NRP2: variants seen among roughly 807,000 people sequenced by gnomAD.
NRP2 encodes neuropilin-2.
Under a neutral mutation model 110.4 loss-of-function variants are expected in NRP2, and 52 were observed. That is an observed-to-expected ratio of 0.47 (90% confidence interval 0.38 to 0.59). The LOEUF (loss-of-function observed/expected upper bound fraction) is 0.59. Among genes scored for constraint, NRP2 ranks in the 20% least tolerant of loss-of-function variants. The pLI is 0.00. For missense variants in NRP2, 1,049 were observed against 1,203.0 expected (o/e 0.87, Z 1.89); for synonymous variants, 508 against 468.9 (o/e 1.08, Z -1.08).
intron 7 of NRP2, among the ~76,000 whole-genome samples, chr2:205,732,265 T>A (rs1339887880): frequency 6.6e-6 from 1 of 152,238 alleles, no homozygotes; most frequent in Non-Finnish European, 1.5e-5. Flanking sequence ...AGTTGCCATT[T>A]GTTTGATTTG....
chr2:205,694,414 G>C (rs2056379077), intron 1 of NRP2, among the ~76,000 whole-genome samples: 1 of 152,154 alleles, frequency 6.6e-6, no homozygotes. Flanking sequence ...CCAGGTATAG[G>C]AGAAAATGCT....
At chr2:205,749,243 C>G (rs1378898459) in intron 10 of NRP2, among the ~76,000 whole-genome samples, 1 of 152,228 alleles carries the variant, frequency 6.6e-6, no homozygotes, top group Non-Finnish European at 1.5e-5. Context: ...TCCTCACTTA[C>G]AGTAGGTGTT....
At chr2:205,690,183 A>G (rs749513271) in intron 1 of NRP2, among the ~76,000 whole-genome samples, 2 of 152,242 alleles carry the variant, frequency 1.3e-5, no homozygotes, top group Non-Finnish European at 2.9e-5. Context: ...TTGTTTGGAT[A>G]CAGGAGAAAA....
chr2:205,789,893 T>C (rs1164464869), intron 15 of NRP2, among the ~76,000 whole-genome samples: 1 of 152,208 alleles, frequency 6.6e-6, no homozygotes, highest in Non-Finnish European at 1.5e-5. Flanking sequence ...AACACAGATA[T>C]CAAGAATATT....
intron 1 of NRP2, among the ~76,000 whole-genome samples, chr2:205,688,097 C>T: frequency 6.6e-6 from 1 of 152,166 alleles, no homozygotes; most frequent in East Asian, 1.9e-4. Context: ...TTTGGAAAGA[C>T]TTTAGGAACT....
chr2:205,781,054 A>G (rs879515170), intron 15 of NRP2, among the ~76,000 whole-genome samples: 1 of 152,262 alleles, frequency 6.6e-6, no homozygotes, highest in Non-Finnish European at 1.5e-5. Flanking sequence ...ACAAAGACCC[A>G]GGCTCAGTCA....
intron 9 of NRP2, among the ~76,000 whole-genome samples, chr2:205,744,206 G>A (rs902864648): frequency 6.6e-6 from 1 of 152,064 alleles, no homozygotes; most frequent in African/African-American, 2.4e-5. Context: ...AAGTCCAGAT[G>A]CCTAACCCCT....
At chr2:205,760,958 C>T (rs528431551) in intron 12 of NRP2, 1 of 152,224 alleles carries the variant, frequency 6.6e-6, no homozygotes, top group East Asian at 1.9e-4. Context: ...ATCTGGTTTC[C>T]TTTATATATG....
intron 15 of NRP2, among the ~76,000 whole-genome samples, chr2:205,785,520 A>G (rs1302942603): frequency 3.3e-5 from 5 of 152,378 alleles, no homozygotes; most frequent in East Asian, 1.9e-4. Flanking sequence ...GCTTGTTCAC[A>G]TATCTACTTA....
At chr2:205,719,787 A>T (rs1250703897) in intron 3 of NRP2, among the ~76,000 whole-genome samples, 3 of 152,102 alleles carry the variant, frequency 2.0e-5, no homozygotes, top group Non-Finnish European at 4.4e-5. Flanking sequence ...ATACCTATAG[A>T]TTCTTCTACT....
intron 11 of NRP2, among the ~76,000 whole-genome samples, chr2:205,752,199 G>A (rs942321992): frequency 6.6e-6 from 1 of 152,218 alleles, no homozygotes; most frequent in African/African-American, 2.4e-5. Context: ...TGGCTGGTCT[G>A]GTCCCTTCGA....
chr2:205,752,684 C>T (rs1233434966), intron 11 of NRP2, 151 bp from the exon 12 acceptor site: 50 of 808,022 alleles, frequency 6.2e-5, no homozygotes, highest in Non-Finnish European at 2.0e-5. Flanking sequence ...AGCCAGCGAT[C>T]GCCAAGATGA....
At chr2:205,734,770 A>G (rs2057313319) in intron 7 of NRP2, among the ~76,000 whole-genome samples, 2 of 152,140 alleles carry the variant, frequency 1.3e-5, no homozygotes. Context: ...AACATTTATT[A>G]GTGGAGAGAA....
At chr2:205,775,046 C>T (rs1397620172) in intron 15 of NRP2, among the ~76,000 whole-genome samples, 1 of 152,186 alleles carries the variant, frequency 6.6e-6, no homozygotes, top group Non-Finnish European at 1.5e-5. Flanking sequence ...GAGCCCGCAG[C>T]ACTTCCCACC....
At chr2:205,728,894 G>A (rs1456480206) in intron 7 of NRP2, among the ~76,000 whole-genome samples, 1 of 152,240 alleles carries the variant, frequency 6.6e-6, no homozygotes, top group Non-Finnish European at 1.5e-5. Context: ...TCTGGAAGGA[G>A]AGTGTGATGT....
At chr2:205,749,077 A>G (rs2057593058) in intron 10 of NRP2, among the ~76,000 whole-genome samples, 1 of 152,132 alleles carries the variant, frequency 6.6e-6, no homozygotes, top group African/African-American at 2.4e-5. Flanking sequence ...AAAGATTTGG[A>G]AGACCTGGCC....
Position 205,694,828 on chromosome 2 carries a change from G to A in NRP2, c.74-2716G>A, listed in dbSNP as rs534797014. 9.8e-5 allele frequency among the ~76,000 whole-genome samples: 15 copies of A among 152,300 alleles called. No individual in the cohort carries two copies. The South Asian group carries it at 3.1e-3, about 32-fold the overall frequency. ...CAGTTATCAAGAGGAGAAGTAGAAT[G>A]ATTAAGTGTGTTTTCTTTACAATTT... On this transcript the variant is annotated intron_variant, in intron 1 of 16. Coordinates refer to ENST00000357785, the MANE Select transcript of NRP2 (RefSeq NM_003872.3).
chr2:205,706,622 C>A (rs1281906964), intron 2 of NRP2, among the ~76,000 whole-genome samples: 1 of 152,110 alleles, frequency 6.6e-6, no homozygotes, highest in Admixed American at 6.5e-5. Context: ...AGCGATTTAT[C>A]TATGTGTCAT....
intron 1 of NRP2, among the ~76,000 whole-genome samples, chr2:205,687,258 C>A (rs1034660324): frequency 2.6e-5 from 4 of 152,176 alleles, no homozygotes; most frequent in Non-Finnish European, 4.4e-5. Flanking sequence ...CAATGACGGT[C>A]TAGGCGCCGG....
Sources: gnomAD v4.1 joint callset for allele counts (sites outside exome capture counted in the v4.1 genomes callset) on GRCh38, gnomAD v4.1.1 for gene constraint, MANE v1.5 for transcripts, NCBI Gene and HGNC (gene_info 2026-07-23, HGNC 2026-07-21) for gene names.